Variants in NRCAM observed in about 807,000 individuals in gnomAD.
NRCAM encodes the protein neuronal cell adhesion molecule, also known as NgCAM-related cell adhesion molecule.
NRCAM carries 83 observed loss-of-function variants against 156.5 expected under a neutral mutation model. The observed-to-expected ratio is 0.53, with a 90% confidence interval of 0.44 to 0.64. The LOEUF is 0.64. Among genes scored for constraint, NRCAM ranks in the 30% least tolerant of loss-of-function variants. The pLI is 0.00. For synonymous variants in NRCAM, 538 were observed against 563.9 expected, an observed-to-expected ratio of 0.95 and a Z score of 0.65; for missense variants, 1,417 against 1,597.3, an observed-to-expected ratio of 0.89 and a Z score of 1.92.
intron 2 of NRCAM, among the ~76,000 whole-genome samples, chr7:108,329,169 A>C (rs2099101644): frequency 6.6e-6 from 1 of 152,102 alleles, no homozygotes; most frequent in Non-Finnish European, 1.5e-5. Flanking sequence ...AGTCATGAGT[A>C]TTCACCCATC....
intron 3 of NRCAM, among the ~76,000 whole-genome samples, chr7:108,294,193 GTTTTTTTTTTTTTT>G (rs56717039): frequency 0.01 from 890 of 87,980 alleles, 20 homozygotes; most frequent in African/African-American, 0.035. Flanking sequence ...TTCTTTACTG[GTTTTTTTTTTTTTT>G]TTTTTTTTTT....
At chr7:108,191,922 C>A (rs2071934414) in intron 17 of NRCAM, 69 bp from the exon 18 acceptor site, 3 of 1,506,104 alleles carry the variant, frequency 2.0e-6, no homozygotes, top group South Asian at 1.3e-5. Context: ...GCTTCACTGG[C>A]AGGAAAAAAA....
intron 1 of NRCAM, among the ~76,000 whole-genome samples, chr7:108,452,806 T>C (rs1242027299): frequency 9.2e-5 from 14 of 152,040 alleles, no homozygotes; most frequent in Admixed American, 8.5e-4. Context: ...TAGGTACTCT[T>C]TGAAAATGAG....
intron 11 of NRCAM, 132 bp from the exon 12 acceptor site, chr7:108,209,737 T>A: frequency 1.5e-6 from 1 of 654,846 alleles, no homozygotes; most frequent in Non-Finnish European, 2.6e-6. Flanking sequence ...ATATTTTAAT[T>A]AGCACCACAC....
intron 2 of NRCAM, among the ~76,000 whole-genome samples, chr7:108,393,194 T>A (rs1024372129): frequency 6.6e-6 from 1 of 152,114 alleles, no homozygotes; most frequent in African/African-American, 2.4e-5. Flanking sequence ...CAGGCCTCCT[T>A]GAGCTGAGGT....
At chr7:108,382,672 C>G (rs775399954) in intron 2 of NRCAM, among the ~76,000 whole-genome samples, 3 of 151,928 alleles carry the variant, frequency 2.0e-5, no homozygotes, top group Non-Finnish European at 4.4e-5. Flanking sequence ...GTAGAGGTAC[C>G]CTGGCATCTA....
At chr7:108,402,305 G>T (rs546566553) in intron 1 of NRCAM, among the ~76,000 whole-genome samples, 3 of 152,112 alleles carry the variant, frequency 2.0e-5, no homozygotes, top group Non-Finnish European at 4.4e-5. Flanking sequence ...GTACAGCATT[G>T]TTATTTACTA....
At chr7:108,384,904 C>T (rs1043025477) in intron 2 of NRCAM, among the ~76,000 whole-genome samples, 2 of 152,196 alleles carry the variant, frequency 1.3e-5, no homozygotes, top group African/African-American at 4.8e-5. Context: ...CCCTAGTTAC[C>T]TCATGGGTTA....
At chr7:108,339,774 T>C (rs1292647838) in intron 2 of NRCAM, among the ~76,000 whole-genome samples, 1 of 152,122 alleles carries the variant, frequency 6.6e-6, no homozygotes, top group Non-Finnish European at 1.5e-5. Context: ...TGACTAGAGG[T>C]GCTGGCATCC....
At chr7:108,156,663 T>C (rs189181153) in intron 32 of NRCAM, 1 of 152,268 alleles carries the variant, frequency 6.6e-6, no homozygotes, top group East Asian at 1.9e-4. Flanking sequence ...AATGAGCAAA[T>C]CAGAAATGGA....
intron 3 of NRCAM, among the ~76,000 whole-genome samples, chr7:108,263,530 C>T (rs773432503): frequency 7.2e-5 from 11 of 152,252 alleles, no homozygotes; most frequent in Non-Finnish European, 1.5e-4. Flanking sequence ...TGCTTCCTGC[C>T]AGCGCCATCT....
rs1209198862 is a variant in NRCAM, at chr7:108,312,732, C to T, written c.-173-1G>A. On this transcript the variant is annotated splice_acceptor_variant, in intron 2 of 32. Coordinates refer to ENST00000379028, the MANE Select transcript of NRCAM (RefSeq NM_001037132.4). LOFTEE classifies it low-confidence loss of function (5UTR_SPLICE). ...AACCAAACGTCTTCTTAGCATTGCT[C>T]TGTGGGTTAAAAAATGGGAGAAACG... 5 of 152,184 alleles carry T rather than the reference C, an allele frequency of 3.3e-5. No homozygotes were observed. The highest frequency in any genetic ancestry group is 3.3e-4 in the Admixed American group (5 of 15,274). 9.4% of individuals were successfully genotyped at this position (152,184 alleles called of 1,614,324 possible).
intron 3 of NRCAM, among the ~76,000 whole-genome samples, chr7:108,240,737 G>A (rs2095467816): frequency 6.6e-6 from 1 of 152,096 alleles, no homozygotes; most frequent in Admixed American, 6.6e-5. Context: ...TCACAGTGCT[G>A]ATTAATTTTT....
chr7:108,385,463 T>C (rs539409534), intron 2 of NRCAM, among the ~76,000 whole-genome samples: 13 of 152,330 alleles, frequency 8.5e-5, no homozygotes, highest in Admixed American at 2.0e-4. Flanking sequence ...CATTTTGAGG[T>C]GTGCTCAAAT....
intron 2 of NRCAM, among the ~76,000 whole-genome samples, chr7:108,376,882 G>A (rs1045674160): frequency 4.6e-5 from 7 of 152,104 alleles, no homozygotes; most frequent in African/African-American, 1.7e-4. Flanking sequence ...GAGAGAGAGT[G>A]GGCCAGGTGC....
At chr7:108,318,186 T>C (rs1345443373) in intron 2 of NRCAM, among the ~76,000 whole-genome samples, 2 of 151,118 alleles carry the variant, frequency 1.3e-5, no homozygotes, top group African/African-American at 2.4e-5. Flanking sequence ...GCTGGGACTA[T>C]AGGCACCGGC....
chr7:108,248,455 A>G (rs767740575), intron 3 of NRCAM, among the ~76,000 whole-genome samples: 28 of 151,946 alleles, frequency 1.8e-4, no homozygotes, highest in Admixed American at 3.3e-4. Context: ...ATGCAAGGAG[A>G]AGAGAGAGCA....
chr7:108,231,004 A>C, intron 8 of NRCAM, 27 bp downstream of exon 8: 1 of 1,547,640 alleles, frequency 6.5e-7, no homozygotes, highest in Non-Finnish European at 8.9e-7. Flanking sequence ...CTTTTAAAGA[A>C]AGAAAGTTCA....
At chr7:108,275,861 G>A (rs1044290417) in intron 3 of NRCAM, among the ~76,000 whole-genome samples, 6 of 152,076 alleles carry the variant, frequency 3.9e-5, no homozygotes, top group African/African-American at 2.4e-5. Context: ...GCTTTCTCTT[G>A]TGGGCATTTA....
Sources: allele counts gnomAD v4.1 joint callset (sites outside exome capture counted in the v4.1 genomes callset), GRCh38; gene constraint gnomAD v4.1.1; transcripts MANE v1.5; gene names NCBI Gene and HGNC (gene_info 2026-07-23, HGNC 2026-07-21).